THSD7B: variants seen among roughly 807,000 people sequenced by gnomAD.
THSD7B encodes thrombospondin type 1 domain containing 7B, also known as thrombospondin type-1 domain-containing protein 7B.
Under a neutral mutation model 213.6 loss-of-function variants are expected in THSD7B, and 138 were observed. The observed-to-expected ratio is 0.65, with a 90% CI of 0.56 to 0.74. The LOEUF is 0.74. THSD7B is among the 30% of genes least tolerant of loss of function. THSD7B has a pLI of 0.00. For missense variants in THSD7B, 1,931 were observed against 1,991.5 expected, an observed-to-expected ratio of 0.97 and a Z score of 0.58; for synonymous variants, 742 against 687.0, an observed-to-expected ratio of 1.08 and a Z score of -1.25.
At chr2:137,073,331 G>A (rs141380430) in intron 3 of THSD7B, among the ~76,000 whole-genome samples, 1 of 152,150 alleles carries the variant, frequency 6.6e-6, no homozygotes, top group Non-Finnish European at 1.5e-5. Context: ...GTTTAGTCTT[G>A]GGAGGATGTA....
intron 6 of THSD7B, among the ~76,000 whole-genome samples, chr2:137,166,849 T>G (rs548057724): frequency 6.6e-6 from 1 of 152,288 alleles, no homozygotes; most frequent in Non-Finnish European, 1.5e-5. Flanking sequence ...CTTTTTTCTG[T>G]GTCTATGTGT....
chr2:136,778,409 C>G (rs1573634106), intron 1 of THSD7B, among the ~76,000 whole-genome samples: 2 of 152,130 alleles, frequency 1.3e-5, no homozygotes, highest in African/African-American at 4.8e-5. Flanking sequence ...CTTCTGCCCC[C>G]CTCTGTATCA....
intron 1 of THSD7B, among the ~76,000 whole-genome samples, chr2:136,865,284 A>C (rs1347540098): frequency 6.6e-6 from 1 of 152,222 alleles, no homozygotes; most frequent in Non-Finnish European, 1.5e-5. Context: ...GAGAAGAGAC[A>C]AGGCTTGGAG....
At chr2:136,934,433 C>G (rs1684685765) in intron 2 of THSD7B, among the ~76,000 whole-genome samples, 1 of 152,140 alleles carries the variant, frequency 6.6e-6, no homozygotes, top group African/African-American at 2.4e-5. Context: ...CAGTGGAACA[C>G]TCTCATTTCC....
intron 17 of THSD7B, 58 bp from the exon 18 acceptor site, chr2:137,616,117 T>C: frequency 3.2e-6 from 5 of 1,580,130 alleles, no homozygotes; most frequent in Middle Eastern, 1.7e-4. Flanking sequence ...CTGTATATCT[T>C]ATATAATTTA....
At chr2:137,572,084 A>G (rs1452853937) in intron 16 of THSD7B, among the ~76,000 whole-genome samples, 1 of 152,192 alleles carries the variant, frequency 6.6e-6, no homozygotes, top group Non-Finnish European at 1.5e-5. Context: ...ATATGCACTC[A>G]GTGCTGGACC....
At chr2:137,308,432 A>G (rs1326994800) in intron 12 of THSD7B, among the ~76,000 whole-genome samples, 1 of 152,026 alleles carries the variant, frequency 6.6e-6, no homozygotes, top group Non-Finnish European at 1.5e-5. Context: ...GTGACGGAGT[A>G]CCATGATATG....
intron 2 of THSD7B, among the ~76,000 whole-genome samples, chr2:136,920,393 A>G (rs1239053890): frequency 1.3e-5 from 2 of 152,172 alleles, no homozygotes; most frequent in African/African-American, 4.8e-5. Flanking sequence ...GGCTCTTGGC[A>G]GAGAAGAGAC....
chr2:137,517,977 A>C (rs1680105728), intron 15 of THSD7B, among the ~76,000 whole-genome samples: 1 of 152,184 alleles, frequency 6.6e-6, no homozygotes, highest in South Asian at 2.1e-4. Flanking sequence ...TTTCTGACCC[A>C]TCTAGCCATA....
intron 21 of THSD7B, among the ~76,000 whole-genome samples, chr2:137,650,383 G>T (rs761721750): frequency 1.3e-5 from 2 of 152,082 alleles, no homozygotes; most frequent in Non-Finnish European, 2.9e-5. Flanking sequence ...TTTTCAGATT[G>T]TTCACTGTTG....
intron 2 of THSD7B, among the ~76,000 whole-genome samples, chr2:136,999,118 A>G (rs1685955928): frequency 6.6e-6 from 1 of 152,144 alleles, no homozygotes; most frequent in African/African-American, 2.4e-5. Flanking sequence ...TTTTGCCTGC[A>G]GAGTTCTCAA....
intron 14 of THSD7B, among the ~76,000 whole-genome samples, chr2:137,446,680 G>A (rs1360807773): frequency 6.6e-6 from 1 of 151,956 alleles, no homozygotes; most frequent in African/African-American, 2.4e-5. Context: ...GTATCCCTAG[G>A]CCAAGTAATA....
At chr2:137,411,544 T>G in intron 13 of THSD7B, 65 bp from the exon 14 acceptor site, 1 of 1,414,212 alleles carries the variant, frequency 7.1e-7, no homozygotes, top group Non-Finnish European at 9.6e-7. Context: ...AATACAAAAG[T>G]GTGAGTGACT....
intron 11 of THSD7B, among the ~76,000 whole-genome samples, chr2:137,273,571 T>C (rs1682800648): frequency 1.3e-5 from 2 of 152,126 alleles, no homozygotes; most frequent in Admixed American, 1.3e-4. Context: ...TTTGAGAAAC[T>C]AAACCTAAAG....
intron 2 of THSD7B, among the ~76,000 whole-genome samples, chr2:136,935,842 C>A (rs1684716361): frequency 6.7e-6 from 1 of 149,584 alleles, no homozygotes; most frequent in African/African-American, 2.4e-5. Context: ...ATATGCCAAG[C>A]TATTTATTAC....
intron 15 of THSD7B, among the ~76,000 whole-genome samples, chr2:137,539,778 G>A (rs113565921): frequency 1.3e-5 from 2 of 151,534 alleles, no homozygotes; most frequent in African/African-American, 4.8e-5. Context: ...ATGCAACTTC[G>A]TGGATTGTTT....
rs1188353698 is a variant in THSD7B at position 136,794,265 on chromosome 2, T to G, written c.-36+28578T>G. On this transcript the variant is annotated intron_variant, in intron 1 of 27. Coordinates refer to ENST00000409968, the MANE Select transcript of THSD7B (RefSeq NM_001316349.2). ...TTTTATGTTTTCTTAAATTTCAAAT[T>G]TTTTTTATTTTTCCTCTAGGCAGAA... Among the ~76,000 whole-genome samples the G allele has an allele frequency of 2.0e-5, 3 of 151,826 alleles. No individual in the cohort carries two copies. In the East Asian group the frequency reaches 5.8e-4, roughly 29 times the overall value.
At chr2:137,013,213 T>C (rs1686262698) in intron 2 of THSD7B, among the ~76,000 whole-genome samples, 1 of 152,216 alleles carries the variant, frequency 6.6e-6, no homozygotes, top group Non-Finnish European at 1.5e-5. Context: ...CTCTCTTAGC[T>C]GAAACAATCA....
intron 15 of THSD7B, chr2:137,451,974 A>T: frequency 1.6e-6 from 1 of 627,092 alleles, no homozygotes; most frequent in Non-Finnish European, 2.0e-6. Context: ...GCCTCTATAC[A>T]TGCTGTTTAA....
Sources: gnomAD v4.1 joint callset for allele counts (sites outside exome capture counted in the v4.1 genomes callset) on GRCh38, gnomAD v4.1.1 for gene constraint, MANE v1.5 for transcripts, NCBI Gene and HGNC (gene_info 2026-07-23, HGNC 2026-07-21) for gene names.